GANAB: variants seen among roughly 807,000 people sequenced by gnomAD.
The protein encoded by GANAB is glucosidase II alpha subunit.
GANAB carries 35 observed loss-of-function variants against 129.9 expected under a neutral mutation model. That is an observed-to-expected ratio of 0.27 (90% CI 0.21 to 0.36). The LOEUF (loss-of-function observed/expected upper bound fraction) is 0.36. GANAB is among the 10% of genes least tolerant of loss of function. GANAB has a pLI of 1.00. For synonymous variants in GANAB, 482 were observed against 451.8 expected (o/e 1.07, Z -0.85); for missense variants, 939 against 1,221.0 (o/e 0.77, Z 3.44).
At chr11:62,634,435 CA>C in intron 5 of GANAB, 1 of 1,104,924 alleles carries the variant, frequency 9.1e-7, no homozygotes, top group Non-Finnish European at 1.4e-6. Flanking sequence ...AACACAAAAA[CA>C]GAAACATAAA....
At chr11:62,632,113 A>G (rs1357359463) in intron 9 of GANAB, among the ~76,000 whole-genome samples, 1 of 151,706 alleles carries the variant, frequency 6.6e-6, no homozygotes, top group Non-Finnish European at 1.5e-5. Flanking sequence ...AGCTGGGATT[A>G]CAGGAGTCCG....
At chr11:62,630,999 G>T (rs1322311158) in intron 10 of GANAB, 31 bp downstream of exon 10, 1 of 1,583,712 alleles carries the variant, frequency 6.3e-7, no homozygotes, top group Non-Finnish European at 8.6e-7. Context: ...CAAGAAAAGA[G>T]CAGAAGAATG....
chr11:62,639,355 T>C lies in GANAB; in HGVS notation c.252+4A>G. The C allele has an allele frequency of 1.3e-6, 2 of 1,577,118 alleles. No homozygotes were observed. Among genetic ancestry groups the C allele is most frequent in the Non-Finnish European group, 1.7e-6 (2 of 1,146,422 alleles). ...CCACCAGACTCTTCCTTGTCTCTCC[T>C]GACCTTGGTGACCTCATGGATCAGA... On this transcript the variant is annotated splice_donor_region_variant and intron_variant, in intron 3 of 23. Coordinates refer to ENST00000356638, the MANE Select transcript of GANAB (RefSeq NM_198334.3).
chr11:62,639,996 G>A (rs1565108856), intron 1 of GANAB: 3 of 394,772 alleles, frequency 7.6e-6, no homozygotes, highest in Non-Finnish European at 1.4e-5. Flanking sequence ...AGCACTTTGG[G>A]AGGCTGCGGC....
chr11:62,630,808 G>C lies in GANAB; in HGVS notation c.1179C>G (p.Ser393=). The stretch of plus-strand genomic sequence containing the variant: ...TCCAACGGCTCTGGTGGTAGCCGAG[G>C]GAGAAGAGTGGGGGCAACGCCTGGG... ...TGTQALPPLF[S]LGYHQSRWNY... Residue 393 remains serine, a synonymous_variant, in exon 11 of 24, where the codon TCC becomes TCG. Transcript: ENST00000356638. 4.3e-6 allele frequency: 7 copies of C among 1,613,960 alleles called. No individual in the cohort carries two copies. Among genetic ancestry groups the C allele is most frequent in the Non-Finnish European group, 2.5e-6 (3 of 1,179,964 alleles).
At chr11:62,636,131 C>T (rs1943929238) in intron 4 of GANAB, among the ~76,000 whole-genome samples, 2 of 152,146 alleles carry the variant, frequency 1.3e-5, no homozygotes, top group African/African-American at 2.4e-5. Flanking sequence ...GCTGGAATTA[C>T]AGGCGCCCAC....
chr11:62,633,760 CCT>C (rs2134498461), intron 5 of GANAB: 1 of 568,506 alleles, frequency 1.8e-6, no homozygotes, highest in Non-Finnish European at 3.1e-6. Flanking sequence ...TGAACACCAG[CCT>C]CTGTCAACAT....
chr11:62,631,316 C>T (rs544299748), intron 9 of GANAB, 133 bp from the exon 10 acceptor site: 513 of 721,196 alleles, frequency 7.1e-4, no homozygotes, highest in Non-Finnish European at 1.0e-3. Flanking sequence ...TAAGACTAAA[C>T]GGGGCCTCTT....
intron 1 of GANAB, among the ~76,000 whole-genome samples, chr11:62,640,779 G>A (rs1944215697): frequency 7.3e-6 from 1 of 137,688 alleles, no homozygotes; most frequent in Non-Finnish European, 1.5e-5. Flanking sequence ...CTTGCAGTGA[G>A]CTGAGATCAC....
At chr11:62,642,764 C>T (rs1182050319) in intron 1 of GANAB, among the ~76,000 whole-genome samples, 6 of 152,088 alleles carry the variant, frequency 3.9e-5, no homozygotes, top group South Asian at 2.1e-4. Flanking sequence ...CCCTAAACAA[C>T]TCTAATGAGC....
chr11:62,627,176 G>A (rs368563939), intron 18 of GANAB, 52 bp from the exon 19 acceptor site: 4 of 1,527,436 alleles, frequency 2.6e-6, no homozygotes, highest in African/African-American at 1.4e-5. Context: ...CCCAGAACAG[G>A]GAACACCAAA....
intron 8 of GANAB, 23 bp from the exon 9 acceptor site, chr11:62,632,768 G>A: frequency 6.2e-7 from 1 of 1,601,956 alleles, no homozygotes; most frequent in Admixed American, 1.7e-5. Flanking sequence ...AGACAGACTT[G>A]GGCTGCTAAC....
intron 17 of GANAB, 43 bp downstream of exon 17, chr11:62,628,726 A>G: frequency 6.2e-7 from 1 of 1,600,114 alleles, no homozygotes; most frequent in South Asian, 1.1e-5. Flanking sequence ...TAATACCCCC[A>G]GCCACCTCAG....
chr11:62,642,394 T>C (rs1237775398), intron 1 of GANAB, among the ~76,000 whole-genome samples: 3 of 151,780 alleles, frequency 2.0e-5, no homozygotes, highest in Non-Finnish European at 2.9e-5. Flanking sequence ...TGGTCTCACT[T>C]CTAAAAATTT....
At position 62,632,844 on chromosome 11, in the gene GANAB, C is replaced by T. The variant is rs141335074; in HGVS notation, c.816-99G>A. 7,202 of 1,082,940 alleles carry T rather than the reference C, an allele frequency of 6.7e-3. 38 individuals are homozygous for T. Among genetic ancestry groups the T allele is most frequent in the Non-Finnish European group, 7.7e-3 (5,510 of 717,814 alleles). 67.1% of individuals were successfully genotyped at this position (1,082,940 alleles called of 1,614,324 possible). A position where few individuals can be genotyped will look rare whatever the true frequency, so the allele number is the denominator to read the frequency against. On this transcript the variant is annotated intron_variant, in intron 8 of 23. Coordinates refer to ENST00000356638, the MANE Select transcript of GANAB (RefSeq NM_198334.3). ...CACAGGTGAGAGATAAGCAAAGGCT[C>T]CTCTTGTCCTTTCTCAAAAAATTTT...
At chr11:62,631,928 C>A (rs1478777587) in intron 9 of GANAB, among the ~76,000 whole-genome samples, 1 of 151,384 alleles carries the variant, frequency 6.6e-6, no homozygotes, top group African/African-American at 2.4e-5. Context: ...CATCTTGCCT[C>A]CTTTGTTATG....
At chr11:62,631,996 C>CA (rs1010781168) in intron 9 of GANAB, among the ~76,000 whole-genome samples, 1 of 149,496 alleles carries the variant, frequency 6.7e-6, no homozygotes, top group African/African-American at 2.5e-5. Context: ...TTTTCTGAAA[C>CA]AGAGTCTCAC....
chr11:62,638,623 GAAGGAAGGAAGGAAGGAAGGAAGC>G (rs869094201), intron 4 of GANAB, among the ~76,000 whole-genome samples: 32 of 34,938 alleles, frequency 9.2e-4, no homozygotes, highest in Middle Eastern at 0.017. Flanking sequence ...AGGAAGGAAG[GAAGGAAGGAAGGAAGGAAGGAAGC>G]AAGCAAACAA....
In GANAB at chr11:62,631,143, C is replaced by T. The variant is rs1359826021; in HGVS notation, c.1037G>A (p.Gly346Glu). ...GCGAACATCTGTCTGTGGGGTCTCC[C>T]CAGAGCCCTGCAGGTAGTCCATCAT... ...GKMMDYLQGS[G>E]ETPQTDVRWM... is the part of the protein sequence containing the mutation. The change falls in exon 10 of 24, where the codon GGG becomes GAG. Residue 346 changes from glycine to glutamate, a missense_variant. This residue lies in a region of GANAB where 220 missense variants were observed against 295.9 expected (regional missense o/e 0.74). Transcript: ENST00000356638. The T allele has an allele frequency of 6.2e-7, 1 of 1,605,490 alleles. No homozygotes were observed. The highest frequency in any genetic ancestry group is 8.5e-7 in the Non-Finnish European group (1 of 1,172,752).
Sources: allele counts gnomAD v4.1 joint callset (sites outside exome capture counted in the v4.1 genomes callset), GRCh38; gene constraint gnomAD v4.1.1; regional missense constraint gnomAD v4.1.1; transcripts MANE v1.5; gene names NCBI Gene and HGNC (gene_info 2026-07-23, HGNC 2026-07-21).